The following HIVEP3 variants were observed in gnomAD, a reference collection of about 807,000 sequenced individuals.
HIVEP3 encodes the protein HIVEP zinc finger 3.
A neutral mutation model predicts 152.8 loss-of-function variants in HIVEP3; 49 were observed. The ratio of observed to expected loss-of-function variants is 0.32; its 90% CI spans 0.26 to 0.41. HIVEP3 has a LOEUF of 0.41. Among genes scored for constraint, HIVEP3 ranks in the 10% least tolerant of loss-of-function variants. HIVEP3 has a pLI of 1.00. For synonymous variants in HIVEP3, 1,269 were observed against 1,289.0 expected, an observed-to-expected ratio of 0.98 and a Z score of 0.33; for missense variants, 2,790 against 3,103.3, an observed-to-expected ratio of 0.90 and a Z score of 2.40.
At chr1:41,864,268 C>T (rs1210156128) in intron 1 of HIVEP3, among the ~76,000 whole-genome samples, 2 of 152,134 alleles carry the variant, frequency 1.3e-5, no homozygotes, top group African/African-American at 2.4e-5. Flanking sequence ...TTTGGGTGTG[C>T]GTAGCAAGCA....
intron 1 of HIVEP3, among the ~76,000 whole-genome samples, chr1:41,971,290 G>C (rs895366343): frequency 1.3e-5 from 2 of 152,260 alleles, no homozygotes; most frequent in Admixed American, 6.5e-5. Flanking sequence ...ATTGGGGAGG[G>C]GGTCAGAAAA....
rs908779699 is a variant in HIVEP3 at position 41,662,138 on chromosome 1, G to A, written c.-720-33191C>T. ...CGCGGGGCGCTCGTTGCTTACCTGCGGGCGGCCGAGGCTCCGCTGCTCTGG... is the reference window on the plus strand; with the variant it reads ...CGCGGGGCGCTCGTTGCTTACCTGCAGGCGGCCGAGGCTCCGCTGCTCTGG... On this transcript the variant is annotated intron_variant, in intron 2 of 8. Coordinates refer to ENST00000372583, the MANE Select transcript of HIVEP3 (RefSeq NM_024503.5). The surrounding 1 kb of genome is among the most constrained non-coding windows in gnomAD (Gnocchi z 7.2). The A allele has an allele frequency of 6.7e-6, 1 of 149,824 alleles. No individual in the cohort carries two copies. Among genetic ancestry groups the A allele is most frequent in the Non-Finnish European group, 1.5e-5 (1 of 67,492 alleles). The allele number at this position is 149,824 out of a possible 1,614,324, so 9.3% of individuals were successfully genotyped here.
upstream of HIVEP3, among the ~76,000 whole-genome samples, chr1:41,923,875 T>C (rs1247575674): frequency 6.6e-6 from 1 of 152,174 alleles, no homozygotes; most frequent in Non-Finnish European, 1.5e-5. Context: ...GATTGACCAA[T>C]ACTGTAAATC....
At chr1:41,914,226 C>T (rs1297385119) in intron 1 of HIVEP3, among the ~76,000 whole-genome samples, 1 of 152,194 alleles carries the variant, frequency 6.6e-6, no homozygotes, top group African/African-American at 2.4e-5. Flanking sequence ...TAGTGTGGTT[C>T]AGTCACTTCC....
At chr1:41,516,188 C>CTTTCCCAGGGCCCTTGCAGGAG (rs1642600551) in intron 7 of HIVEP3, among the ~76,000 whole-genome samples, 1 of 152,232 alleles carries the variant, frequency 6.6e-6, no homozygotes, top group African/African-American at 2.4e-5. Flanking sequence ...CTGGGCGGCC[C>CTTTCCCAGGGCCCTTGCAGGAG]CGCCCCTGCT....
chr1:41,855,727 A>T (rs925893775), intron 1 of HIVEP3, among the ~76,000 whole-genome samples: 1 of 152,222 alleles, frequency 6.6e-6, no homozygotes, highest in African/African-American at 2.4e-5. Context: ...AGAACTCCTC[A>T]GATTAGAAAC....
At chr1:41,927,342 TG>T (rs1446465047) in intron 1 of HIVEP3, among the ~76,000 whole-genome samples, 2 of 152,124 alleles carry the variant, frequency 1.3e-5, no homozygotes, top group African/African-American at 4.8e-5. Context: ...ATGTGTGTTT[TG>T]GGGGTGGGGT....
intron 1 of HIVEP3, among the ~76,000 whole-genome samples, chr1:41,719,266 A>C (rs1309960421): frequency 6.6e-6 from 1 of 152,208 alleles, no homozygotes; most frequent in Non-Finnish European, 1.5e-5. Flanking sequence ...ATCAAGTACA[A>C]AGGCACAGAG....
rs754195333 is a variant in HIVEP3 at position 41,963,853 on chromosome 1, CA to C, written n.120-45330del. On this transcript the variant is annotated intron_variant and non_coding_transcript_variant, in intron 1 of 3. Transcript: ENST00000489103. ...TTTCTGCCGAACAGATTCAAGTTCA[CA>C]AACAGTCACTCCCGGACATACTCAG... 7.9e-5 allele frequency among the ~76,000 whole-genome samples: 12 copies of C among 152,222 alleles called. No individual in the cohort carries two copies. In the East Asian group the frequency reaches 2.3e-3, roughly 29 times the overall value.
chr1:41,562,575 T>TTTCCTTCCTTCC (rs138592366), intron 5 of HIVEP3, among the ~76,000 whole-genome samples: 1 of 129,586 alleles, frequency 7.7e-6, no homozygotes, highest in African/African-American at 2.9e-5. Flanking sequence ...CTTTCCTTCT[T>TTTCCTTCCTTCC]TTCCTTCCTT....
At chr1:41,845,971 G>T (rs1373990796) in intron 1 of HIVEP3, among the ~76,000 whole-genome samples, 1 of 152,190 alleles carries the variant, frequency 6.6e-6, no homozygotes, top group East Asian at 1.9e-4. Context: ...GGAGGCTGAG[G>T]CAGGAGAATT....
At chr1:41,769,106 C>A (rs1018854770) in intron 1 of HIVEP3, among the ~76,000 whole-genome samples, 4 of 152,234 alleles carry the variant, frequency 2.6e-5, no homozygotes, top group African/African-American at 4.8e-5. Context: ...AAATCACACA[C>A]CAAATGGTTC....
At chr1:41,740,410 C>A (rs926640626) in intron 1 of HIVEP3, among the ~76,000 whole-genome samples, 1 of 152,220 alleles carries the variant, frequency 6.6e-6, no homozygotes, top group African/African-American at 2.4e-5. Flanking sequence ...ACCATGCAAA[C>A]CTGGTGTGAT....
At chr1:42,019,008 T>C (rs2124533994) in intron 1 of HIVEP3, among the ~76,000 whole-genome samples, 1 of 152,206 alleles carries the variant, frequency 6.6e-6, no homozygotes, top group African/African-American at 2.4e-5. Flanking sequence ...GTTTTTATCT[T>C]GTTAATCTTG....
intron 2 of HIVEP3, among the ~76,000 whole-genome samples, chr1:41,648,385 C>T (rs190667285): frequency 3.3e-5 from 5 of 152,320 alleles, no homozygotes; most frequent in Admixed American, 2.0e-4. Flanking sequence ...CTTACAGAGA[C>T]GCAACTGACT....
intron 1 of HIVEP3, among the ~76,000 whole-genome samples, chr1:41,765,686 A>G (rs1427495041): frequency 6.6e-6 from 1 of 152,188 alleles, no homozygotes; most frequent in East Asian, 1.9e-4. Context: ...AGCAAGGTCT[A>G]CCCTATATAT....
chr1:41,812,256 C>G (rs775221378), intron 1 of HIVEP3, among the ~76,000 whole-genome samples: 4 of 152,118 alleles, frequency 2.6e-5, no homozygotes, highest in Non-Finnish European at 4.4e-5. Context: ...TCTTTCTCAG[C>G]TTGCAACGGA....
At chr1:41,701,635 G>T (rs116274726) in intron 1 of HIVEP3, among the ~76,000 whole-genome samples, 1 of 152,198 alleles carries the variant, frequency 6.6e-6, no homozygotes, top group South Asian at 2.1e-4. Flanking sequence ...CTCTTTGTAT[G>T]AAATTATTTC....
At chr1:41,570,091 G>A (rs1644229862) in intron 5 of HIVEP3, among the ~76,000 whole-genome samples, 1 of 152,180 alleles carries the variant, frequency 6.6e-6, no homozygotes, top group African/African-American at 2.4e-5. Flanking sequence ...GGATCTGAGT[G>A]TCATCAACCT....
Sources: allele counts gnomAD v4.1 joint callset (sites outside exome capture counted in the v4.1 genomes callset), GRCh38; gene constraint gnomAD v4.1.1; non-coding constraint Gnocchi (gnomAD v3.1); transcripts MANE v1.5; gene names NCBI Gene and HGNC (gene_info 2026-07-23, HGNC 2026-07-21).